The following AKAP7 variants were observed in gnomAD, a reference collection of about 807,000 sequenced individuals.
AKAP7 encodes the protein A-kinase anchoring protein 7, also known as A kinase (PRKA) anchor protein 7.
Under a neutral mutation model 39.5 loss-of-function variants are expected in AKAP7, and 39 were observed. The ratio of observed to expected loss-of-function variants is 0.99; its 90% CI spans 0.76 to 1.29. The LOEUF (loss-of-function observed/expected upper bound fraction) is 1.29, where lower values mean the gene tolerates loss of function less well. Ranked by LOEUF, AKAP7 falls within the 50% of genes most tolerant of loss-of-function variation. AKAP7 has a pLI of 0.00. For missense variants in AKAP7, 414 were observed against 407.7 expected, an observed-to-expected ratio of 1.02 and a Z score of -0.13; for synonymous variants, 140 against 139.1, an observed-to-expected ratio of 1.01 and a Z score of -0.05.
At chr6:131,189,438 A>G (rs1209293224) in intron 5 of AKAP7, among the ~76,000 whole-genome samples, 1 of 152,188 alleles carries the variant, frequency 6.6e-6, no homozygotes, top group East Asian at 1.9e-4. Context: ...ACAATATTAG[A>G]GAAAGGGAGA....
chr6:131,238,742 T>C (rs13209891), intron 7 of AKAP7, among the ~76,000 whole-genome samples: 43,506 of 152,076 alleles, frequency 0.29, 6,713 homozygotes, highest in Middle Eastern at 0.39. Context: ...CTGCCTTTTT[T>C]TGTTTTCCAT....
chr6:131,244,842 A>G (rs1811872586), intron 7 of AKAP7, among the ~76,000 whole-genome samples: 1 of 152,242 alleles, frequency 6.6e-6, no homozygotes, highest in African/African-American at 2.4e-5. Context: ...TATAGAAAAA[A>G]AAATTCTCTT....
At position 131,135,534 on chromosome 6, in the gene AKAP7, T is replaced by TGCCGCTGCC. The variant is rs1247420158; in HGVS notation, c.-227_-219dup. On this transcript the variant is annotated 5_prime_UTR_variant, in exon 1 of 8. Transcript: ENST00000431975. ...CTGCTGCGGCTGCCGCCGCCGCTGC[T>TGCCGCTGCC]GCCGCTGCCGCGGGGGCTGCGGCTT... 8 of 180,086 alleles carry TGCCGCTGCC rather than the reference T, an allele frequency of 4.4e-5. No individual in the cohort carries two copies. In the South Asian group the frequency reaches 1.0e-3, roughly 23 times the overall value. 11.2% of individuals were successfully genotyped at this position (180,086 alleles called of 1,614,324 possible).
intron 5 of AKAP7, among the ~76,000 whole-genome samples, chr6:131,171,711 T>A (rs1280446423): frequency 6.6e-6 from 1 of 152,182 alleles, no homozygotes; most frequent in Non-Finnish European, 1.5e-5. Context: ...TAATCTGTGA[T>A]CTTCTCAAGT....
chr6:131,163,161 T>G (rs1803156172), intron 3 of AKAP7, among the ~76,000 whole-genome samples: 1 of 152,156 alleles, frequency 6.6e-6, no homozygotes, highest in African/African-American at 2.4e-5. Flanking sequence ...GTAGGGTAAC[T>G]TATAATAGAG....
chr6:131,143,527 C>G (rs1035421370), intron 1 of AKAP7, among the ~76,000 whole-genome samples: 8 of 152,166 alleles, frequency 5.3e-5, no homozygotes, highest in Non-Finnish European at 8.8e-5. Context: ...GCTTTGTGTG[C>G]AGCCTGCAGA....
chr6:131,237,331 C>G (rs542569529), intron 7 of AKAP7, among the ~76,000 whole-genome samples: 2 of 152,284 alleles, frequency 1.3e-5, no homozygotes, highest in South Asian at 4.1e-4. Flanking sequence ...AGGATTTTTG[C>G]ATTGATATTC....
In AKAP7 at chr6:131,238,885, T is replaced by C. The variant is rs542106876; in HGVS notation, c.850+19077T>C. 7.2e-5 allele frequency among the ~76,000 whole-genome samples: 11 copies of C among 152,360 alleles called. No individual in the cohort carries two copies. The South Asian group carries it at 2.1e-3, about 29-fold the overall frequency. On this transcript the variant is annotated intron_variant, in intron 7 of 7. Coordinates refer to ENST00000431975, the MANE Select transcript of AKAP7 (RefSeq NM_016377.4). The stretch of plus-strand genomic sequence containing the variant: ...CAATTTGCCAGTCCGTGTCTTTTAA[T>C]TGGAGCATTTAGCCCATTTACATTT...
chr6:131,233,549 A>G (rs898923227), intron 7 of AKAP7, among the ~76,000 whole-genome samples: 1 of 152,184 alleles, frequency 6.6e-6, no homozygotes, highest in Non-Finnish European at 1.5e-5. Flanking sequence ...TAGAAATGCT[A>G]CAAACTGTAT....
At chr6:131,259,287 A>G (rs1043959322) in intron 7 of AKAP7, among the ~76,000 whole-genome samples, 1 of 152,124 alleles carries the variant, frequency 6.6e-6, no homozygotes, top group Non-Finnish European at 1.5e-5. Flanking sequence ...CAGACTTTCT[A>G]TCTAGGGCTA....
intron 6 of AKAP7, among the ~76,000 whole-genome samples, chr6:131,201,395 A>G (rs2128282765): frequency 6.6e-6 from 1 of 152,328 alleles, no homozygotes; most frequent in East Asian, 1.9e-4. Context: ...ATCAGATTGC[A>G]TTTTATTTAG....
At chr6:131,211,387 C>T (rs182897819) in intron 6 of AKAP7, among the ~76,000 whole-genome samples, 2 of 152,122 alleles carry the variant, frequency 1.3e-5, no homozygotes, top group African/African-American at 4.8e-5. Flanking sequence ...AAATTACTGA[C>T]TGGTTTGATG....
chr6:131,260,129 T>C (rs1813190444), intron 7 of AKAP7, among the ~76,000 whole-genome samples: 1 of 152,134 alleles, frequency 6.6e-6, no homozygotes, highest in Non-Finnish European at 1.5e-5. Flanking sequence ...GCAAAGGACA[T>C]GATCTTGTTC....
chr6:131,240,030 T>C (rs1174250503), intron 7 of AKAP7, among the ~76,000 whole-genome samples: 1 of 152,128 alleles, frequency 6.6e-6, no homozygotes. Context: ...TTCCCCATCT[T>C]TGTGGTTTTA....
intron 7 of AKAP7, among the ~76,000 whole-genome samples, chr6:131,232,790 A>T (rs1810733960): frequency 6.6e-6 from 1 of 152,070 alleles, no homozygotes; most frequent in African/African-American, 2.4e-5. Context: ...AGACTGTCTC[A>T]AAAAAAGAAA....
At chr6:131,177,272 G>A (rs189241474) in intron 5 of AKAP7, among the ~76,000 whole-genome samples, 27 of 152,262 alleles carry the variant, frequency 1.8e-4, no homozygotes, top group South Asian at 6.2e-4. Context: ...AAGGAAAGAC[G>A]TTTATTGAGC....
chr6:131,178,967 T>C (rs1171545498), intron 5 of AKAP7, among the ~76,000 whole-genome samples: 1 of 152,196 alleles, frequency 6.6e-6, no homozygotes, highest in Admixed American at 6.5e-5. Flanking sequence ...CAGAGTCTTT[T>C]CTGCCATAGA....
chr6:131,170,639 G>A (rs1803961119), intron 5 of AKAP7, among the ~76,000 whole-genome samples: 2 of 152,316 alleles, frequency 1.3e-5, no homozygotes, highest in Non-Finnish European at 1.5e-5. Context: ...CCTCTTTGCA[G>A]TTTAATAATT....
At chr6:131,189,241 A>G (rs1171107393) in intron 5 of AKAP7, among the ~76,000 whole-genome samples, 4 of 152,260 alleles carry the variant, frequency 2.6e-5, no homozygotes, top group Admixed American at 6.5e-5. Context: ...TACTGAACAC[A>G]TGTTGCTTTT....
Sources: allele counts gnomAD v4.1 joint callset (sites outside exome capture counted in the v4.1 genomes callset), GRCh38; gene constraint gnomAD v4.1.1; transcripts MANE v1.5; gene names NCBI Gene and HGNC (gene_info 2026-07-23, HGNC 2026-07-21).